Variants in XRCC2 observed in about 807,000 individuals in gnomAD.
The protein encoded by XRCC2 is X-ray repair cross complementing 2.
In XRCC2, 24 loss-of-function variants were observed where a neutral mutation model predicts 27.3. The observed-to-expected ratio is 0.88, with a 90% CI of 0.64 to 1.24. The LOEUF (loss-of-function observed/expected upper bound fraction) is 1.24, where lower values mean the gene tolerates loss of function less well. Ranked by LOEUF, XRCC2 falls within the 50% of genes most tolerant of loss-of-function variation. XRCC2 has a pLI of 0.00. For synonymous variants in XRCC2, 106 were observed against 115.4 expected, an observed-to-expected ratio of 0.92 and a Z score of 0.52; for missense variants, 321 against 325.8, an observed-to-expected ratio of 0.99 and a Z score of 0.11.
intron 1 of XRCC2, among the ~76,000 whole-genome samples, chr7:152,666,256 C>A (rs1442004064): frequency 1.3e-5 from 2 of 152,020 alleles, no homozygotes; most frequent in Non-Finnish European, 2.9e-5. Flanking sequence ...GTCACCCAGG[C>A]TGGAGTGTGC....
In XRCC2 at chr7:152,649,480, A is replaced by G. The variant is rs2098027588; in HGVS notation, c.122-117T>C. On this transcript the variant is annotated intron_variant, in intron 2 of 2. Transcript: ENST00000359321. Reference sequence around the variant, plus strand: ...TACTGGAATGTGAAAGAAAATCTAAATTCACTTTTGCCAAAATGGAGCTGT... The same window carrying G: ...TACTGGAATGTGAAAGAAAATCTAAGTTCACTTTTGCCAAAATGGAGCTGT... 7.6e-6 allele frequency: 10 copies of G among 1,316,174 alleles called. No individual in the cohort carries two copies. In the South Asian group the frequency reaches 1.5e-4, roughly 19 times the overall value. The allele number at this position is 1,316,174 out of a possible 1,614,324, so 81.5% of individuals were successfully genotyped here. A position where few individuals can be genotyped will look rare whatever the true frequency, so the allele number is the denominator to read the frequency against.
chr7:152,658,150 C>CTTTTTT (rs1203269973), intron 2 of XRCC2, among the ~76,000 whole-genome samples: 1 of 137,084 alleles, frequency 7.3e-6, no homozygotes, highest in South Asian at 2.3e-4. Context: ...TTTTCTTTTT[C>CTTTTTT]TTTTTTTTTT....
intron 2 of XRCC2, among the ~76,000 whole-genome samples, chr7:152,657,956 C>CTTTGTT (rs1554411408): frequency 7.3e-6 from 1 of 136,552 alleles, no homozygotes; most frequent in African/African-American, 3.0e-5. Flanking sequence ...AACTTTTTGT[C>CTTTGTT]TTTGTTTTTT....
intron 2 of XRCC2, 38 bp from the exon 3 acceptor site, chr7:152,649,401 G>C: frequency 6.6e-7 from 1 of 1,516,106 alleles, no homozygotes; most frequent in Non-Finnish European, 8.8e-7. Context: ...AAATGCAGTA[G>C]CTCAAGGGTA....
rs190653981 is a variant in XRCC2, at chr7:152,667,131, G to A, written c.40-6349C>T. Among the ~76,000 whole-genome samples the A allele has an allele frequency of 3.2e-3, 481 of 152,094 alleles. 3 individuals carry two copies. The highest frequency in any genetic ancestry group is 4.7e-3 in the Non-Finnish European group (322 of 67,986). On this transcript the variant is annotated intron_variant, in intron 1 of 2. Coordinates refer to ENST00000359321, the MANE Select transcript of XRCC2 (RefSeq NM_005431.2). ...TACTCAAGAAAGTATTATAGGCCAG[G>A]TGCGGTGGCTCACGCCTGTAATCCC...
chr7:152,666,814 C>T (rs181931409), intron 1 of XRCC2, among the ~76,000 whole-genome samples: 3 of 151,344 alleles, frequency 2.0e-5, no homozygotes, highest in African/African-American at 4.8e-5. Flanking sequence ...GATGGGGTTT[C>T]GCCATGTTGG....
chr7:152,657,960 G>GTTTTTTTTTGT (rs760103375), intron 2 of XRCC2, among the ~76,000 whole-genome samples: 7,315 of 136,090 alleles, frequency 0.054, 628 homozygotes, highest in African/African-American at 0.19. Context: ...TTTTGTCTTT[G>GTTTTTTTTTGT]TTTTTTTTTT....
chr7:152,672,173 G>A (rs185141565), intron 1 of XRCC2, among the ~76,000 whole-genome samples: 5 of 152,312 alleles, frequency 3.3e-5, no homozygotes, highest in East Asian at 1.9e-4. Context: ...GCTTAGAGGT[G>A]TTAAGAGGCA....
chr7:152,660,725 C>G lies in XRCC2; in HGVS notation c.97G>C (p.Ala33Pro), dbSNP rs774296079. The G allele has an allele frequency of 9.3e-6, 15 of 1,613,348 alleles. No individual in the cohort carries two copies. In the Admixed American group the frequency reaches 2.5e-4, roughly 27 times the overall value. The change falls in exon 2 of 3, where the codon GCT becomes CCT. Residue 33 changes from alanine to proline, a missense_variant. Ala to Pro is a conservative substitution (Grantham distance 27, BLOSUM62 -1). Coordinates refer to ENST00000359321, the MANE Select transcript of XRCC2 (RefSeq NM_005431.2). ...CCATGCACAGGTGAATCTTCATCAG[C>G]AAACAGATTTGGTTCTATTTCTTTC... ...SLKEIEPNLF[A>P]DEDSPVHGDI...
At chr7:152,651,519 G>A (rs1424595477) in intron 2 of XRCC2, among the ~76,000 whole-genome samples, 1 of 151,944 alleles carries the variant, frequency 6.6e-6, no homozygotes, top group Non-Finnish European at 1.5e-5. Flanking sequence ...TTGAACCCAG[G>A]AGGTAGAGGC....
rs1168020523 is a variant in XRCC2 at position 152,645,556 on chromosome 7, AGAAT to A, written c.*3082_*3085del. The A allele has an allele frequency of 6.6e-6, 1 of 152,220 alleles. No homozygotes were observed. Among genetic ancestry groups the A allele is most frequent in the African/African-American group, 2.4e-5 (1 of 41,460 alleles). The allele number at this position is 152,220 out of a possible 1,614,324, so 9.4% of individuals were successfully genotyped here. A position where few individuals can be genotyped will look rare whatever the true frequency, so the allele number is the denominator to read the frequency against. On this transcript the variant is annotated 3_prime_UTR_variant, in exon 3 of 3. Transcript: ENST00000359321. Reference sequence around the variant, plus strand: ...ATACATACAATCATCTAACCTTTAAAGAATGACAGTTTTGTTTCTTCCATATGCC... The same window carrying A: ...ATACATACAATCATCTAACCTTTAAAGACAGTTTTGTTTCTTCCATATGCC...
chr7:152,676,085 C>T lies in XRCC2; in HGVS notation c.-6G>A, dbSNP rs773861668. On this transcript the variant is annotated 5_prime_UTR_variant, in exon 1 of 3. Transcript: ENST00000359321. ...CTATGGAAGGCACTACACATCGCCC[C>T]GAAGGCTCGGCGCAGGAGAGACTCA... The T allele has an allele frequency of 5.0e-6, 8 of 1,613,812 alleles. No homozygotes were observed. The highest frequency in any genetic ancestry group is 5.9e-6 in the Non-Finnish European group (7 of 1,179,810).
At chr7:152,650,394 T>C (rs3218526) in intron 2 of XRCC2, among the ~76,000 whole-genome samples, 36 of 152,200 alleles carry the variant, frequency 2.4e-4, no homozygotes, top group Admixed American at 9.2e-4. Context: ...CAACTCTCCT[T>C]CTATCTAGGC....
At chr7:152,666,997 A>G in intron 1 of XRCC2, among the ~76,000 whole-genome samples, 1 of 152,210 alleles carries the variant, frequency 6.6e-6, no homozygotes, top group Non-Finnish European at 1.5e-5. Flanking sequence ...ATACGAATGA[A>G]TAACATCCTC....
At chr7:152,673,190 T>A (rs976301332) in intron 1 of XRCC2, among the ~76,000 whole-genome samples, 3 of 152,132 alleles carry the variant, frequency 2.0e-5, no homozygotes, top group African/African-American at 4.8e-5. Context: ...AAAATATATA[T>A]TCTTTTTTTT....
intron 1 of XRCC2, among the ~76,000 whole-genome samples, chr7:152,666,842 T>C (rs1266961896): frequency 6.6e-6 from 1 of 151,324 alleles, no homozygotes; most frequent in Non-Finnish European, 1.5e-5. Flanking sequence ...GGTCTCAAAC[T>C]CCTGACCTCA....
chr7:152,650,730 C>T (rs1159877943), intron 2 of XRCC2, among the ~76,000 whole-genome samples: 2 of 151,730 alleles, frequency 1.3e-5, no homozygotes, highest in Admixed American at 6.6e-5. Context: ...ACTAAAAATA[C>T]AAAAAATTAG....
At chr7:152,666,623 T>TA (rs970618879) in intron 1 of XRCC2, among the ~76,000 whole-genome samples, 74 of 151,074 alleles carry the variant, frequency 4.9e-4, no homozygotes, top group Non-Finnish European at 7.7e-4. Context: ...ATTCTTTATT[T>TA]TTTTTTTTTT....
intron 1 of XRCC2, among the ~76,000 whole-genome samples, chr7:152,670,834 G>A (rs2098037867): frequency 6.6e-6 from 1 of 151,918 alleles, no homozygotes; most frequent in African/African-American, 2.4e-5. Flanking sequence ...CAGGTAATCC[G>A]CCCACCTCAG....
Sources: gnomAD v4.1 joint callset for allele counts (sites outside exome capture counted in the v4.1 genomes callset) on GRCh38, gnomAD v4.1.1 for gene constraint, MANE v1.5 for transcripts, NCBI Gene and HGNC (gene_info 2026-07-23, HGNC 2026-07-21) for gene names.